SPEF2: variants seen among roughly 807,000 people sequenced by gnomAD.
SPEF2 encodes the protein sperm flagellar and cilia associated 2.
In SPEF2, 187 loss-of-function variants were observed where a neutral mutation model predicts 224.6. That is an observed-to-expected ratio of 0.83 (90% confidence interval 0.74 to 0.94). The LOEUF is 0.94. Ranked by LOEUF, SPEF2 falls within the 40% of genes least tolerant of loss-of-function variation. The pLI, the probability that SPEF2 is intolerant of heterozygous loss-of-function variation, is 0.00. For missense variants in SPEF2, 2,170 were observed against 2,135.6 expected (o/e 1.02, Z -0.32); for synonymous variants, 715 against 707.3 (o/e 1.01, Z -0.17).
chr5:35,671,211 G>A lies in SPEF2; in HGVS notation c.1524+984G>A, dbSNP rs541473871. 6.1e-6 allele frequency: 6 copies of A among 984,484 alleles called. No homozygotes were observed. The East Asian group carries it at 5.6e-4, about 92-fold the overall frequency. 61.0% of individuals were successfully genotyped at this position (984,484 alleles called of 1,614,324 possible). A position where few individuals can be genotyped will look rare whatever the true frequency, so the allele number is the denominator to read the frequency against. On this transcript the variant is annotated intron_variant, in intron 10 of 36. Coordinates refer to ENST00000356031, the MANE Select transcript of SPEF2 (RefSeq NM_024867.4). ...CTCAACAAAGGTTTGTGGGACAAAG[G>A]GTGAATAAAATGAATGAATTACAAT...
At chr5:35,716,558 T>A (rs977903830) in intron 20 of SPEF2, among the ~76,000 whole-genome samples, 7 of 152,176 alleles carry the variant, frequency 4.6e-5, no homozygotes, top group African/African-American at 1.7e-4. Flanking sequence ...AATATATACA[T>A]TGGAGCCATG....
chr5:35,715,283 T>G (rs1364241223), intron 20 of SPEF2, among the ~76,000 whole-genome samples: 1 of 10,062 alleles, frequency 9.9e-5, no homozygotes, highest in Non-Finnish European at 3.5e-4. Context: ...TTCTGAAGAC[T>G]TATGTTTTCA....
At chr5:35,800,477 T>C (rs2149854107) in intron 34 of SPEF2, among the ~76,000 whole-genome samples, 1 of 152,244 alleles carries the variant, frequency 6.6e-6, no homozygotes. Flanking sequence ...CCCAATCCAT[T>C]TGGGATTCTG....
chr5:35,618,144 G>A, intron 1 of SPEF2, 89 bp downstream of exon 1: 1 of 1,433,986 alleles, frequency 7.0e-7, no homozygotes, highest in Non-Finnish European at 9.6e-7. Flanking sequence ...GGAAGGTGGC[G>A]GGCAGGGCGC....
intron 8 of SPEF2, 102 bp downstream of exon 8, chr5:35,659,309 G>T: frequency 8.3e-7 from 1 of 1,207,146 alleles, no homozygotes; most frequent in Non-Finnish European, 1.1e-6. Context: ...CATCTAATAA[G>T]ATTTTCTTTT....
intron 11 of SPEF2, 53 bp from the exon 12 acceptor site, chr5:35,692,517 A>G (rs1754670913): frequency 7.0e-7 from 1 of 1,428,674 alleles, no homozygotes; most frequent in Non-Finnish European, 9.6e-7. Flanking sequence ...AAAGACAACA[A>G]TTTCCATTTC....
At chr5:35,684,078 A>G (rs1753219876) in intron 10 of SPEF2, 2 of 152,284 alleles carry the variant, frequency 1.3e-5, no homozygotes, top group Non-Finnish European at 2.9e-5. Context: ...TATTATATAA[A>G]TAATTTAATC....
At chr5:35,776,787 A>G (rs1446583400) in intron 29 of SPEF2, among the ~76,000 whole-genome samples, 1 of 152,216 alleles carries the variant, frequency 6.6e-6, no homozygotes, top group Admixed American at 6.5e-5. Context: ...GGGGAGATTA[A>G]AAAGTCATTC....
chr5:35,734,696 CTTTCTTTTT>C (rs11276110), intron 21 of SPEF2, among the ~76,000 whole-genome samples: 68,699 of 122,784 alleles, frequency 0.56, 20,159 homozygotes, highest in South Asian at 0.68. Context: ...ATGTGAATTG[CTTTCTTTTT>C]TTTCTTTTTT....
At chr5:35,636,439 A>G (rs966573532) in intron 2 of SPEF2, among the ~76,000 whole-genome samples, 6 of 152,096 alleles carry the variant, frequency 3.9e-5, no homozygotes, top group African/African-American at 1.4e-4. Context: ...ACACATGCAT[A>G]TGGCCTCAGA....
chr5:35,754,427 A>C (rs1750145150), intron 24 of SPEF2, among the ~76,000 whole-genome samples: 1 of 152,194 alleles, frequency 6.6e-6, no homozygotes, highest in South Asian at 2.1e-4. Context: ...TGTGTTTGCC[A>C]ATTGACATTA....
intron 16 of SPEF2, among the ~76,000 whole-genome samples, chr5:35,701,311 A>G (rs1398770893): frequency 3.3e-5 from 5 of 152,258 alleles, no homozygotes; most frequent in African/African-American, 1.2e-4. Flanking sequence ...TTATTCTTGA[A>G]CCTTGGCTTT....
intron 10 of SPEF2, among the ~76,000 whole-genome samples, chr5:35,672,477 G>T (rs1561172177): frequency 2.0e-5 from 3 of 150,942 alleles, no homozygotes; most frequent in Non-Finnish European, 4.4e-5. Flanking sequence ...AGGATGCATT[G>T]TTCCGCTGCC....
intron 27 of SPEF2, among the ~76,000 whole-genome samples, chr5:35,772,076 G>A (rs1208868372): frequency 2.0e-5 from 3 of 152,242 alleles, no homozygotes; most frequent in African/African-American, 7.2e-5. Context: ...TAACACTGCA[G>A]TAACAAAGAG....
intron 27 of SPEF2, among the ~76,000 whole-genome samples, chr5:35,772,212 C>A (rs1357289469): frequency 6.6e-6 from 1 of 152,166 alleles, no homozygotes; most frequent in Non-Finnish European, 1.5e-5. Context: ...TCAGAAAATA[C>A]GTCTTGAAAG....
In SPEF2 at chr5:35,705,706, G is replaced by C. The variant is rs758279535; in HGVS notation, c.2563G>C (p.Glu855Gln). ...ATTGGAGCAATGGTTTTCAGAGCCA[G>C]AAAATATTTTGATAAAAATCAATGC... Reference protein sequence around the residue: ...PLLEQWFSEPENILIKINAEI... With the variant: ...PLLEQWFSEPQNILIKINAEI... The change falls in exon 18 of 37, where the codon GAA (glutamate) becomes CAA (glutamine). Residue 855 changes from glutamate to glutamine, a missense_variant. Physicochemically the swap from Glu to Gln is conservative, Grantham distance 29. Transcript: ENST00000356031. The C allele has an allele frequency of 9.4e-6, 15 of 1,591,970 alleles. No homozygotes were observed. The highest frequency in any genetic ancestry group is 1.3e-5 in the Non-Finnish European group (15 of 1,173,280).
At chr5:35,644,588 G>C in intron 4 of SPEF2, 63 bp downstream of exon 4, 6 of 1,288,470 alleles carry the variant, frequency 4.7e-6, no homozygotes, top group Non-Finnish European at 6.3e-6. Flanking sequence ...TGATTTATGC[G>C]TATAGTACAC....
intron 30 of SPEF2, chr5:35,791,190 C>T (rs554424905): frequency 2.0e-5 from 3 of 152,132 alleles, no homozygotes; most frequent in Non-Finnish European, 1.5e-5. Context: ...TGGGAAAATG[C>T]TCTCATGTCT....
rs148130830 is a variant in SPEF2 at position 35,618,045 on chromosome 5, C to A, written c.48C>A (p.Ser16=). ...CQWLNKELKV[S]RTVSPKSFAK... is the part of the protein sequence containing the mutation. ...GGCTCAACAAGGAGTTGAAGGTGTCCCGGACCGTGAGTGAGTGACCACGGC... is the reference window on the plus strand; with the variant it reads ...GGCTCAACAAGGAGTTGAAGGTGTCACGGACCGTGAGTGAGTGACCACGGC... Residue 16 remains serine, a synonymous_variant, in exon 1 of 37, where the codon TCC becomes TCA. Transcript: ENST00000356031. 3.2e-4 allele frequency: 507 copies of A among 1,585,050 alleles called. No homozygotes were observed. The highest frequency in any genetic ancestry group is 5.5e-4 in the Admixed American group (32 of 57,692).
Sources: gnomAD v4.1 joint callset for allele counts (sites outside exome capture counted in the v4.1 genomes callset) on GRCh38, gnomAD v4.1.1 for gene constraint, MANE v1.5 for transcripts, NCBI Gene and HGNC (gene_info 2026-07-23, HGNC 2026-07-21) for gene names.